The following CNTNAP2 variants were observed in gnomAD, a reference collection of about 807,000 sequenced individuals.
CNTNAP2 encodes the protein contactin associated protein 2, also known as contactin-associated protein-like 2.
In CNTNAP2, 98 loss-of-function variants were observed where a neutral mutation model predicts 155.2. The observed-to-expected ratio is 0.63, with a 90% CI of 0.54 to 0.75. CNTNAP2 has a LOEUF of 0.75. Ranked by LOEUF, CNTNAP2 falls within the 30% of genes least tolerant of loss-of-function variation. The pLI is 0.00. For missense variants in CNTNAP2, 1,727 were observed against 1,688.1 expected (o/e 1.02, Z -0.40); for synonymous variants, 651 against 631.2 (o/e 1.03, Z -0.47).
chr7:147,131,881 C>T (rs987025194), intron 7 of CNTNAP2, among the ~76,000 whole-genome samples: 3 of 151,928 alleles, frequency 2.0e-5, no homozygotes, highest in Non-Finnish European at 4.4e-5. Flanking sequence ...GACTTATGTT[C>T]GGCCAGCAGT....
chr7:147,501,954 T>C (rs1798822059), intron 11 of CNTNAP2, among the ~76,000 whole-genome samples: 1 of 152,180 alleles, frequency 6.6e-6, no homozygotes, highest in African/African-American at 2.4e-5. Context: ...AAAATTGAAA[T>C]CTTCCCACTT....
chr7:147,686,166 G>T (rs1270338730), intron 13 of CNTNAP2, among the ~76,000 whole-genome samples: 2 of 152,016 alleles, frequency 1.3e-5, no homozygotes, highest in Non-Finnish European at 2.9e-5. Flanking sequence ...TCAGACCTGG[G>T]TGATAGTGAT....
At chr7:147,096,452 A>G (rs1020248840) in intron 4 of CNTNAP2, among the ~76,000 whole-genome samples, 2 of 152,212 alleles carry the variant, frequency 1.3e-5, no homozygotes, top group South Asian at 2.1e-4. Flanking sequence ...CTCTGCCATC[A>G]TGGCTGAGCT....
chr7:147,705,532 G>A (rs1007318870), intron 13 of CNTNAP2, among the ~76,000 whole-genome samples: 11 of 152,152 alleles, frequency 7.2e-5, no homozygotes, highest in Non-Finnish European at 1.6e-4. Flanking sequence ...TGTAGCTGCT[G>A]AATGAAGTGT....
At chr7:147,412,779 A>G (rs1291906734) in intron 10 of CNTNAP2, among the ~76,000 whole-genome samples, 1 of 152,256 alleles carries the variant, frequency 6.6e-6, no homozygotes, top group East Asian at 1.9e-4. Flanking sequence ...AGAAAGGCTC[A>G]TATCAGATAA....
chr7:147,448,828 A>G (rs1797784563), intron 10 of CNTNAP2, among the ~76,000 whole-genome samples: 1 of 152,114 alleles, frequency 6.6e-6, no homozygotes, highest in South Asian at 2.1e-4. Flanking sequence ...CTCTGTCTAC[A>G]TAGTTGGCAA....
intron 1 of CNTNAP2, among the ~76,000 whole-genome samples, chr7:146,249,175 G>A (rs989747246): frequency 6.6e-6 from 1 of 152,150 alleles, no homozygotes; most frequent in Non-Finnish European, 1.5e-5. Context: ...GGATGTGTAC[G>A]TGCAGGTCAC....
intron 10 of CNTNAP2, among the ~76,000 whole-genome samples, chr7:147,412,988 C>T (rs1245906346): frequency 6.6e-6 from 1 of 152,218 alleles, no homozygotes; most frequent in Non-Finnish European, 1.5e-5. Context: ...ATTCCAGAGA[C>T]ACTGTCATCA....
intron 3 of CNTNAP2, among the ~76,000 whole-genome samples, chr7:146,961,443 C>T (rs577380554): frequency 2.0e-5 from 3 of 152,296 alleles, no homozygotes; most frequent in African/African-American, 7.2e-5. Flanking sequence ...AGGTGTAATT[C>T]GAAGTGAAGA....
At chr7:146,443,378 A>G (rs1796355599) in intron 1 of CNTNAP2, among the ~76,000 whole-genome samples, 1 of 150,158 alleles carries the variant, frequency 6.7e-6, no homozygotes. Flanking sequence ...TTAGAATAAA[A>G]GAGAGTTTCA....
At chr7:146,207,764 C>G (rs1056640248) in intron 1 of CNTNAP2, among the ~76,000 whole-genome samples, 3 of 150,980 alleles carry the variant, frequency 2.0e-5, no homozygotes, top group African/African-American at 7.3e-5. Context: ...GTTGGTTTCT[C>G]CCTTTGTTCT....
chr7:147,167,423 T>C, intron 8 of CNTNAP2: 1 of 1,346,412 alleles, frequency 7.4e-7, no homozygotes. Flanking sequence ...TCTGGCTTGC[T>C]AGGAAGCTCA....
In CNTNAP2 at chr7:148,118,133, C is replaced by T. The variant is rs780607411; in HGVS notation, c.2399C>T (p.Ala800Val). 2.5e-6 allele frequency: 4 copies of T among 1,614,022 alleles called. No individual in the cohort carries two copies. The highest frequency in any genetic ancestry group is 2.5e-6 in the Non-Finnish European group (3 of 1,179,996). Residue 800 changes from alanine to valine, a missense_variant, in exon 16 of 24, where the codon GCC becomes GTC. By Grantham distance (64) the Ala-to-Val change is moderately conservative. Coordinates refer to ENST00000361727, the MANE Select transcript of CNTNAP2 (RefSeq NM_014141.6). ...CTTCCCACAGGGAATTATTGGAATG[C>T]CGCCTCTTTCCCAAACCCATCCTCC... The part of the protein sequence containing the change: ...RCQGDRNYWN[A>V]ASFPNPSSYL...
intron 2 of CNTNAP2, among the ~76,000 whole-genome samples, chr7:146,790,250 A>G (rs570619205): frequency 1.3e-5 from 2 of 152,308 alleles, no homozygotes; most frequent in Non-Finnish European, 2.9e-5. Context: ...ATGGAAAATA[A>G]TTTTCTAAAG....
chr7:147,706,316 AG>A (rs1796315994), intron 13 of CNTNAP2, among the ~76,000 whole-genome samples: 1 of 151,912 alleles, frequency 6.6e-6, no homozygotes, highest in Non-Finnish European at 1.5e-5. Context: ...TTATAGGACC[AG>A]GCTAATGGTA....
At chr7:147,619,865 T>C (rs59914873) in intron 12 of CNTNAP2, among the ~76,000 whole-genome samples, 14,074 of 152,182 alleles carry the variant, frequency 0.092, 1,797 homozygotes, top group African/African-American at 0.27. Context: ...TTACAGCAGG[T>C]CTTGGGGCAA....
intron 1 of CNTNAP2, among the ~76,000 whole-genome samples, chr7:146,296,522 G>A (rs1485418295): frequency 6.6e-6 from 1 of 152,074 alleles, no homozygotes; most frequent in Non-Finnish European, 1.5e-5. Context: ...AGAGCTCCTA[G>A]GCTGTTCTGA....
rs199727216 is a variant in CNTNAP2, at chr7:146,947,212, GA to G, written c.403-96685del. Among the ~76,000 whole-genome samples the G allele has an allele frequency of 2.1e-4, 30 of 146,304 alleles. No homozygotes were observed. In the East Asian group the frequency reaches 3.2e-3, roughly 16 times the overall value. Reference sequence around the variant, plus strand: ...ACACCTGGCTAAAAATATGAAGTTAGAAAAAAAAAAGTTTGGTCATTCTGCT... The same window carrying G: ...ACACCTGGCTAAAAATATGAAGTTAGAAAAAAAAAGTTTGGTCATTCTGCT... On this transcript the variant is annotated intron_variant, in intron 3 of 23. Transcript: ENST00000361727.
intron 1 of CNTNAP2, among the ~76,000 whole-genome samples, chr7:146,469,549 A>C (rs1358792298): frequency 7.1e-6 from 1 of 140,964 alleles, no homozygotes; most frequent in Non-Finnish European, 1.5e-5. Context: ...TTAAGATGGA[A>C]TCTTGCTCTG....
Sources: gnomAD v4.1 joint callset for allele counts (sites outside exome capture counted in the v4.1 genomes callset) on GRCh38, gnomAD v4.1.1 for gene constraint, MANE v1.5 for transcripts, NCBI Gene and HGNC (gene_info 2026-07-23, HGNC 2026-07-21) for gene names.